ARHGAP15: variants seen among roughly 807,000 people sequenced by gnomAD.
ARHGAP15 encodes Rho GTPase activating protein 15.
Under a neutral mutation model 63.7 loss-of-function variants are expected in ARHGAP15, and 51 were observed. The observed-to-expected ratio is 0.80, with a 90% CI of 0.64 to 1.01. The LOEUF (loss-of-function observed/expected upper bound fraction) is 1.01. ARHGAP15 is among the 50% of genes least tolerant of loss of function. The pLI, the probability that ARHGAP15 is intolerant of heterozygous loss-of-function variation, is 0.00. For missense variants in ARHGAP15, 560 were observed against 564.6 expected, an observed-to-expected ratio of 0.99 and a Z score of 0.08; for synonymous variants, 191 against 193.8, an observed-to-expected ratio of 0.99 and a Z score of 0.12.
intron 6 of ARHGAP15, among the ~76,000 whole-genome samples, chr2:143,353,581 T>C (rs1206089428): frequency 2.0e-5 from 3 of 152,186 alleles, no homozygotes; most frequent in Non-Finnish European, 4.4e-5. Context: ...TAAATGAACC[T>C]GTGTCCGAAT....
rs548079150 is a variant in ARHGAP15 at position 143,713,690 on chromosome 2, A to T, written c.1244+10166A>T. The stretch of plus-strand genomic sequence containing the variant: ...GTACAGGTATTGAGTAAATAGAGCC[A>T]TTCCAAGTGGGAGAAATCAGCCAAA... On this transcript the variant is annotated intron_variant, in intron 13 of 13. Coordinates refer to ENST00000295095, the MANE Select transcript of ARHGAP15 (RefSeq NM_018460.4). 1.6e-4 allele frequency among the ~76,000 whole-genome samples: 23 copies of T among 146,342 alleles called. 1 individual carries two copies. In the South Asian group the frequency reaches 5.5e-3, roughly 35 times the overall value.
At chr2:143,564,605 A>T (rs1389196580) in intron 11 of ARHGAP15, among the ~76,000 whole-genome samples, 1 of 152,154 alleles carries the variant, frequency 6.6e-6, no homozygotes. Context: ...ACTTACCAAG[A>T]CATAACATAT....
chr2:143,345,340 T>C (rs972486341), intron 6 of ARHGAP15, among the ~76,000 whole-genome samples: 2 of 152,080 alleles, frequency 1.3e-5, no homozygotes, highest in Non-Finnish European at 2.9e-5. Context: ...CTTCTGCCAT[T>C]CCAGCCATAT....
In ARHGAP15 at chr2:143,379,485, ATATGTGTGTGTG is replaced by A. The variant is rs1375733124; in HGVS notation, c.475-56114_475-56103del. 6.7e-4 allele frequency among the ~76,000 whole-genome samples: 60 copies of A among 90,192 alleles called. 1 individual carries two copies. The highest frequency in any genetic ancestry group is 3.2e-3 in the South Asian group (8 of 2,530). The allele number at this position is 90,192 out of a possible 152,430, so 59.2% of individuals were successfully genotyped here. A position where few individuals can be genotyped will look rare whatever the true frequency, so the allele number is the denominator to read the frequency against. ...TTAACAAGGTGGTTTTTAGGCATATATATGTGTGTGTGTGTGTGTGTGTGTGTGTGTGTGTGT... is the reference window on the plus strand; with the variant it reads ...TTAACAAGGTGGTTTTTAGGCATATATGTGTGTGTGTGTGTGTGTGTGTGT... On this transcript the variant is annotated intron_variant, in intron 6 of 13. Coordinates refer to ENST00000295095, the MANE Select transcript of ARHGAP15 (RefSeq NM_018460.4).
In ARHGAP15 at chr2:143,283,886, C is replaced by T. The variant is rs551742710; in HGVS notation, c.474+33286C>T. On this transcript the variant is annotated intron_variant, in intron 6 of 13. Transcript: ENST00000295095. ...TATCTAATTCCTCCTTCAGATAACTCATCCATTTTCATGGCTTCAGCTATG... is the reference window on the plus strand; with the variant it reads ...TATCTAATTCCTCCTTCAGATAACTTATCCATTTTCATGGCTTCAGCTATG... Among the ~76,000 whole-genome samples the T allele has an allele frequency of 9.9e-5, 15 of 152,252 alleles. 1 individual carries two copies. The South Asian group carries it at 1.9e-3, about 19-fold the overall frequency.
intron 1 of ARHGAP15, among the ~76,000 whole-genome samples, chr2:143,150,660 A>G (rs1689777865): frequency 6.6e-6 from 1 of 152,062 alleles, no homozygotes; most frequent in African/African-American, 2.4e-5. Flanking sequence ...TAGTAAAATC[A>G]ATGGATATCT....
At chr2:143,692,054 T>C (rs1294772275) in intron 12 of ARHGAP15, among the ~76,000 whole-genome samples, 2 of 152,182 alleles carry the variant, frequency 1.3e-5, no homozygotes, top group African/African-American at 4.8e-5. Flanking sequence ...GGTGTGTGTG[T>C]AATCCTCCCG....
At chr2:143,693,434 A>G (rs1355284135) in intron 12 of ARHGAP15, among the ~76,000 whole-genome samples, 3 of 152,198 alleles carry the variant, frequency 2.0e-5, no homozygotes, top group African/African-American at 7.2e-5. Flanking sequence ...CTCCCTCTTC[A>G]TTATAAAAGT....
chr2:143,427,256 A>G (rs1689173480), intron 6 of ARHGAP15, among the ~76,000 whole-genome samples: 1 of 152,180 alleles, frequency 6.6e-6, no homozygotes, highest in Non-Finnish European at 1.5e-5. Flanking sequence ...GACTAGTGGC[A>G]ACAATACCTA....
At chr2:143,346,081 A>G (rs1685260152) in intron 6 of ARHGAP15, among the ~76,000 whole-genome samples, 1 of 152,036 alleles carries the variant, frequency 6.6e-6, no homozygotes, top group African/African-American at 2.4e-5. Flanking sequence ...TACTAACTTT[A>G]ACCAAGCTGC....
chr2:143,703,488 G>A lies in ARHGAP15; in HGVS notation c.1208G>A (p.Arg403His), dbSNP rs776074764. 36 of 1,612,484 alleles carry A rather than the reference G, an allele frequency of 2.2e-5. No individual in the cohort carries two copies. In the East Asian group the frequency reaches 2.9e-4, roughly 13 times the overall value. ...SLVQKLPPPNRDTMKVLFGHL... is the reference protein window; with the variant it reads ...SLVQKLPPPNHDTMKVLFGHL... ...GTACAAAAACTCCCTCCGCCAAATC[G>A]TGACACCATGAAAGTCCTCTTTGGA... The change falls in exon 13 of 14, where the codon CGT (arginine) becomes CAT (histidine). Residue 403 changes from arginine (R) to histidine (H), a missense_variant. Arg to His is a conservative substitution (Grantham distance 29, BLOSUM62 0). Transcript: ENST00000295095.
chr2:143,523,275 C>G (rs1694134099), intron 10 of ARHGAP15, among the ~76,000 whole-genome samples: 1 of 151,952 alleles, frequency 6.6e-6, no homozygotes, highest in Non-Finnish European at 1.5e-5. Flanking sequence ...GTGATAAGTA[C>G]TATGAGAGAA....
chr2:143,293,074 G>A (rs922600931), intron 6 of ARHGAP15, among the ~76,000 whole-genome samples: 4 of 151,948 alleles, frequency 2.6e-5, no homozygotes, highest in Non-Finnish European at 4.4e-5. Context: ...AAACAGTATA[G>A]AATTAATACC....
intron 11 of ARHGAP15, among the ~76,000 whole-genome samples, chr2:143,600,520 C>G (rs1185868147): frequency 6.6e-6 from 1 of 152,122 alleles, no homozygotes. Context: ...CAGAATGGAG[C>G]CAACATTTAA....
chr2:143,313,963 T>TC (rs1683571034), intron 6 of ARHGAP15, among the ~76,000 whole-genome samples: 1 of 151,520 alleles, frequency 6.6e-6, no homozygotes, highest in Non-Finnish European at 1.5e-5. Flanking sequence ...GGGCTTTTTT[T>TC]TTTTCTTGTT....
At chr2:143,516,716 C>T (rs192663186) in intron 9 of ARHGAP15, among the ~76,000 whole-genome samples, 3 of 152,254 alleles carry the variant, frequency 2.0e-5, no homozygotes, top group African/African-American at 4.8e-5. Flanking sequence ...CAATGTAAAT[C>T]ATTTGATCTG....
intron 5 of ARHGAP15, among the ~76,000 whole-genome samples, chr2:143,241,962 G>A (rs574104178): frequency 6.6e-6 from 1 of 152,302 alleles, no homozygotes; most frequent in African/African-American, 2.4e-5. Context: ...AAAGCTTAAA[G>A]CAATCTGTGG....
At chr2:143,484,557 TA>T (rs1475635425) in intron 8 of ARHGAP15, among the ~76,000 whole-genome samples, 1 of 151,796 alleles carries the variant, frequency 6.6e-6, no homozygotes, top group African/African-American at 2.4e-5. Context: ...ATAATAAAAA[TA>T]AAAATAAATA....
At chr2:143,259,526 T>C (rs140192111) in intron 6 of ARHGAP15, among the ~76,000 whole-genome samples, 1 of 152,336 alleles carries the variant, frequency 6.6e-6, no homozygotes, top group African/African-American at 2.4e-5. Flanking sequence ...TTAGATGGAC[T>C]GCAAAGAATG....
Sources: allele counts gnomAD v4.1 joint callset (sites outside exome capture counted in the v4.1 genomes callset), GRCh38; gene constraint gnomAD v4.1.1; transcripts MANE v1.5; gene names NCBI Gene and HGNC (gene_info 2026-07-23, HGNC 2026-07-21).